Variants in CUX1 observed in about 807,000 individuals in gnomAD.
CUX1 encodes the protein protein CASP.
A neutral mutation model predicts 158.8 loss-of-function variants in CUX1; 31 were observed. The ratio of observed to expected loss-of-function variants is 0.20; its 90% confidence interval spans 0.15 to 0.26. The LOEUF is 0.26. Among genes scored for constraint, CUX1 ranks in the 10% least tolerant of loss-of-function variants. CUX1 has a pLI of 1.00. For missense variants in CUX1, 1,589 were observed against 2,014.6 expected, an observed-to-expected ratio of 0.79 and a Z score of 4.04; for synonymous variants, 879 against 862.1, an observed-to-expected ratio of 1.02 and a Z score of -0.34.
chr7:102,071,905 C>G (rs1285974879), intron 4 of CUX1, among the ~76,000 whole-genome samples: 1 of 152,176 alleles, frequency 6.6e-6, no homozygotes, highest in Non-Finnish European at 1.5e-5. Context: ...TTGCTTTGTT[C>G]TAAACTTTTG....
At chr7:102,084,275 TAATA>T (rs1827731823) in intron 4 of CUX1, among the ~76,000 whole-genome samples, 1 of 144,918 alleles carries the variant, frequency 6.9e-6, no homozygotes, top group African/African-American at 2.5e-5. Flanking sequence ...TTTTAACAAA[TAATA>T]AAATATATAA....
chr7:101,920,040 G>A (rs537084996), intron 2 of CUX1, among the ~76,000 whole-genome samples: 4 of 152,140 alleles, frequency 2.6e-5, no homozygotes, highest in South Asian at 4.1e-4. Flanking sequence ...TGATCCCTCC[G>A]TCTCAGTGTC....
chr7:102,002,706 G>A (rs565740651), intron 2 of CUX1, among the ~76,000 whole-genome samples: 1 of 152,222 alleles, frequency 6.6e-6, no homozygotes, highest in South Asian at 2.1e-4. Flanking sequence ...TCAGAGCATC[G>A]CAGCGGAATT....
intron 2 of CUX1, among the ~76,000 whole-genome samples, chr7:101,943,242 G>A (rs1384061590): frequency 3.9e-5 from 6 of 151,944 alleles, no homozygotes; most frequent in Non-Finnish European, 8.8e-5. Flanking sequence ...GAGTAGCTGG[G>A]ATTACAGGTG....
chr7:101,981,794 A>G (rs1283309211), intron 2 of CUX1, among the ~76,000 whole-genome samples: 4 of 152,066 alleles, frequency 2.6e-5, no homozygotes, highest in Non-Finnish European at 4.4e-5. Flanking sequence ...TATTTTTAGA[A>G]GAAACGGGGT....
chr7:102,193,090 C>T (rs144315753), intron 12 of CUX1, among the ~76,000 whole-genome samples: 18 of 152,356 alleles, frequency 1.2e-4, no homozygotes, highest in African/African-American at 4.3e-4. Flanking sequence ...GCCCACCTGG[C>T]TTCTGAGTCA....
chr7:102,076,086 C>T (rs1048391071), intron 4 of CUX1, among the ~76,000 whole-genome samples: 5 of 151,456 alleles, frequency 3.3e-5, no homozygotes, highest in African/African-American at 9.7e-5. Flanking sequence ...ATTTCCTTCA[C>T]ATTAAAGACA....
At chr7:101,935,201 G>A (rs1806772175) in intron 2 of CUX1, among the ~76,000 whole-genome samples, 1 of 152,028 alleles carries the variant, frequency 6.6e-6, no homozygotes, top group African/African-American at 2.4e-5. Context: ...GGCTCATCCT[G>A]GCTCAAAAGC....
intron 1 of CUX1, among the ~76,000 whole-genome samples, chr7:101,905,276 G>A (rs1802625848): frequency 6.6e-6 from 1 of 152,222 alleles, no homozygotes; most frequent in African/African-American, 2.4e-5. Flanking sequence ...GAGTTTAGGT[G>A]CACAAAGCTG....
intron 2 of CUX1, among the ~76,000 whole-genome samples, chr7:101,959,066 C>T (rs1441429512): frequency 6.6e-6 from 1 of 151,404 alleles, no homozygotes; most frequent in Non-Finnish European, 1.5e-5. Flanking sequence ...GGCAGTGTTG[C>T]CTAAGCTGGT....
intron 2 of CUX1, among the ~76,000 whole-genome samples, chr7:101,980,224 G>C (rs533170698): frequency 1.1e-4 from 16 of 152,200 alleles, no homozygotes; most frequent in Non-Finnish European, 2.1e-4. Flanking sequence ...AGAACCTTCA[G>C]GCTGGGTGTG....
intron 8 of CUX1, among the ~76,000 whole-genome samples, chr7:102,140,349 A>C (rs1834310445): frequency 6.6e-6 from 1 of 151,890 alleles, no homozygotes; most frequent in South Asian, 2.1e-4. Context: ...GGGTTCAAGC[A>C]ATTCTCCTGC....
intron 2 of CUX1, among the ~76,000 whole-genome samples, chr7:102,017,623 A>T (rs1263362470): frequency 6.6e-6 from 1 of 152,176 alleles, no homozygotes; most frequent in African/African-American, 2.4e-5. Context: ...AGATGGGTGG[A>T]TCACCTGAGG....
chr7:102,158,647 A>T, intron 9 of CUX1, 39 bp downstream of exon 9: 1 of 1,599,542 alleles, frequency 6.3e-7, no homozygotes, highest in Non-Finnish European at 8.6e-7. Context: ...AACCCACAAT[A>T]GCGGGCCCGT....
intron 9 of CUX1, among the ~76,000 whole-genome samples, chr7:102,159,296 G>A (rs575760891): frequency 7.9e-5 from 12 of 152,272 alleles, no homozygotes; most frequent in African/African-American, 2.4e-4. Flanking sequence ...CTCATGGGTC[G>A]CAGCCACTTG....
intron 2 of CUX1, among the ~76,000 whole-genome samples, chr7:101,984,092 ATATAT>A (rs1563091682): frequency 0.012 from 233 of 19,604 alleles, 26 homozygotes; most frequent in African/African-American, 0.027. Flanking sequence ...AAAAAAAAAT[ATATAT>A]ATATATATAT....
At chr7:102,117,966 T>C (rs1337841549) in intron 8 of CUX1, among the ~76,000 whole-genome samples, 1 of 152,168 alleles carries the variant, frequency 6.6e-6, no homozygotes, top group African/African-American at 2.4e-5. Context: ...CCCCCAAAAA[T>C]GCAGAGAATG....
chr7:102,145,718 G>A (rs1834957881), intron 8 of CUX1, among the ~76,000 whole-genome samples: 1 of 152,056 alleles, frequency 6.6e-6, no homozygotes, highest in South Asian at 2.1e-4. Context: ...AGGCCGAGGT[G>A]GGTGGATCAT....
intron 2 of CUX1, among the ~76,000 whole-genome samples, chr7:102,002,993 C>T (rs1191511019): frequency 1.3e-5 from 2 of 152,104 alleles, no homozygotes; most frequent in African/African-American, 4.8e-5. Context: ...CCTCCACCTC[C>T]TGGGTTCAAG....
Sources: gnomAD v4.1 joint callset for allele counts (sites outside exome capture counted in the v4.1 genomes callset) on GRCh38, gnomAD v4.1.1 for gene constraint, MANE v1.5 for transcripts, NCBI Gene and HGNC (gene_info 2026-07-23, HGNC 2026-07-21) for gene names.